The following VPS13A variants were observed in gnomAD, a reference collection of about 807,000 sequenced individuals.
VPS13A encodes the protein vacuolar protein sorting 13 homolog A, also known as intermembrane lipid transfer protein VPS13A.
A neutral mutation model predicts 390.9 loss-of-function variants in VPS13A; 264 were observed. The observed-to-expected ratio is 0.68, with a 90% CI of 0.61 to 0.75. The LOEUF (loss-of-function observed/expected upper bound fraction) is 0.75, where lower values mean the gene tolerates loss of function less well. VPS13A is among the 30% of genes least tolerant of loss of function. The probability of loss-of-function intolerance (pLI) is 0.00; values close to 1 mark genes in which losing one functional copy is unlikely to be tolerated. For missense variants in VPS13A, 3,409 were observed against 3,733.9 expected, an observed-to-expected ratio of 0.91 and a Z score of 2.27; for synonymous variants, 1,231 against 1,227.1, an observed-to-expected ratio of 1.00 and a Z score of -0.07.
At chr9:77,408,593 T>C (rs1474369109) in intron 71 of VPS13A, among the ~76,000 whole-genome samples, 1 of 152,210 alleles carries the variant, frequency 6.6e-6, no homozygotes, top group Non-Finnish European at 1.5e-5. Context: ...ACTCCCACCC[T>C]AATACTGTGC....
chr9:77,224,774 T>C (rs1166870699), intron 13 of VPS13A, among the ~76,000 whole-genome samples: 1 of 152,200 alleles, frequency 6.6e-6, no homozygotes, highest in East Asian at 1.9e-4. Flanking sequence ...TTGAGAGGAT[T>C]GACTTCAATT....
chr9:77,379,297 A>G (rs1457513687), intron 67 of VPS13A, among the ~76,000 whole-genome samples: 31 of 150,206 alleles, frequency 2.1e-4, no homozygotes, highest in Admixed American at 3.3e-4. Flanking sequence ...CTGGAGTGCA[A>G]TGGCGCTATC....
chr9:77,185,420 G>T (rs974985280), intron 1 of VPS13A, among the ~76,000 whole-genome samples: 1 of 152,108 alleles, frequency 6.6e-6, no homozygotes, highest in African/African-American at 2.4e-5. Flanking sequence ...GATTACAGGC[G>T]TGAGCTACTG....
At chr9:77,265,741 C>T (rs1490719002) in intron 23 of VPS13A, among the ~76,000 whole-genome samples, 2 of 152,096 alleles carry the variant, frequency 1.3e-5, no homozygotes, top group Non-Finnish European at 2.9e-5. Context: ...TTCAAAAAAC[C>T]AGCACCTGGA....
At position 77,357,685 on chromosome 9, in the gene VPS13A, T is replaced by C. The variant is rs776862312; in HGVS notation, c.7807-7T>C. 1.9e-6 allele frequency: 3 copies of C among 1,613,466 alleles called. No homozygotes were observed. Among genetic ancestry groups the C allele is most frequent in the Non-Finnish European group, 2.5e-6 (3 of 1,179,738 alleles). ...AATTTTTTCATTTGGGGGGACATAT[T>C]TTTCAGGTTCGCCTAACCCCTACTG... On this transcript the variant is annotated splice_region_variant and splice_polypyrimidine_tract_variant and intron_variant, in intron 55 of 71. Transcript: ENST00000360280.
chr9:77,375,993 T>C (rs1357842967), intron 67 of VPS13A, among the ~76,000 whole-genome samples: 1 of 151,796 alleles, frequency 6.6e-6, no homozygotes, highest in Non-Finnish European at 1.5e-5. Context: ...TTAAAGGAGG[T>C]AAGGAGATGC....
intron 20 of VPS13A, 96 bp downstream of exon 20, chr9:77,247,491 T>A (rs1421543506): frequency 1.5e-6 from 2 of 1,302,818 alleles, no homozygotes; most frequent in African/African-American, 3.0e-5. Context: ...TTTATTGCTT[T>A]TTTTCCTAGA....
intron 15 of VPS13A, among the ~76,000 whole-genome samples, chr9:77,226,956 G>C (rs1383157365): frequency 6.6e-6 from 1 of 151,966 alleles, no homozygotes; most frequent in African/African-American, 2.4e-5. Flanking sequence ...GTATAGCTTT[G>C]GAGGTTTAGA....
chr9:77,401,129 T>C (rs1360283415), intron 68 of VPS13A, among the ~76,000 whole-genome samples: 2 of 152,232 alleles, frequency 1.3e-5, no homozygotes, highest in African/African-American at 4.8e-5. Flanking sequence ...GCATATACTT[T>C]ACCACCACCA....
At chr9:77,323,785 G>C (rs6651536) in intron 45 of VPS13A, among the ~76,000 whole-genome samples, 15,594 of 152,124 alleles carry the variant, frequency 0.1, 832 homozygotes, top group Middle Eastern at 0.13. Context: ...TACATAAGTG[G>C]AATACAGTAC....
At chr9:77,311,850 A>T (rs1829095048) in intron 35 of VPS13A, among the ~76,000 whole-genome samples, 2 of 152,198 alleles carry the variant, frequency 1.3e-5, no homozygotes, top group Admixed American at 1.3e-4. Flanking sequence ...ACCACATTGG[A>T]TTAAATTAGA....
chr9:77,386,445 G>A (rs899259672), intron 68 of VPS13A, among the ~76,000 whole-genome samples: 1 of 151,730 alleles, frequency 6.6e-6, no homozygotes, highest in Non-Finnish European at 1.5e-5. Context: ...TAATTTCATG[G>A]AATGGGATTC....
At chr9:77,386,634 C>T (rs1833694325) in intron 68 of VPS13A, among the ~76,000 whole-genome samples, 1 of 151,028 alleles carries the variant, frequency 6.6e-6, no homozygotes, top group Non-Finnish European at 1.5e-5. Context: ...GTAAACATTG[C>T]TTGTGTGGTC....
rs1011209770 is a variant in VPS13A, at chr9:77,221,382, A to AG, written c.1161+27dup. On this transcript the variant is annotated intron_variant, in intron 13 of 71. Coordinates refer to ENST00000360280, the MANE Select transcript of VPS13A (RefSeq NM_033305.3). ...GTTAGCATTTAAAATGAAATTGTTG[A>AG]GTGTTTTATACTACATAGCTCCTTA... The AG allele has an allele frequency of 3.1e-6, 5 of 1,610,424 alleles. No homozygotes were observed. In the African/African-American group the frequency reaches 6.7e-5, roughly 22 times the overall value.
In VPS13A at chr9:77,225,963, T is replaced by C; in HGVS notation, c.1199T>C (p.Ile400Thr). The change falls in exon 14 of 72, where the codon ATA becomes ACA. Residue 400 changes from isoleucine to threonine, a missense_variant. Ile to Thr is a moderately conservative substitution (Grantham distance 89). Coordinates refer to ENST00000360280, the MANE Select transcript of VPS13A (RefSeq NM_033305.3). ...ACCTTGGATGTCTTTAATATAACTATAGCTAGACAGACGGCAGAAGTTGAG... is the reference window on the plus strand; with the variant it reads ...ACCTTGGATGTCTTTAATATAACTACAGCTAGACAGACGGCAGAAGTTGAG... ...EKTLDVFNIT[I>T]ARQTAEVEVK... 1.9e-6 allele frequency: 3 copies of C among 1,612,456 alleles called. No individual in the cohort carries two copies. The highest frequency in any genetic ancestry group is 2.5e-6 in the Non-Finnish European group (3 of 1,179,228).
chr9:77,200,148 T>C (rs1564624932), intron 2 of VPS13A, among the ~76,000 whole-genome samples, 160 bp downstream of exon 2: 1 of 152,226 alleles, frequency 6.6e-6, no homozygotes. Context: ...TTAATCTCCC[T>C]GAAAGCACAA....
intron 67 of VPS13A, among the ~76,000 whole-genome samples, chr9:77,375,701 A>T (rs1329780266): frequency 6.6e-6 from 1 of 150,486 alleles, no homozygotes; most frequent in Non-Finnish European, 1.5e-5. Flanking sequence ...AATAATTGAT[A>T]GATCAGGAAG....
chr9:77,206,370 G>A (rs1825644143), intron 5 of VPS13A, among the ~76,000 whole-genome samples: 1 of 149,506 alleles, frequency 6.7e-6, no homozygotes, highest in Non-Finnish European at 1.5e-5. Flanking sequence ...TACATACTAG[G>A]TAAGGTCAGT....
intron 68 of VPS13A, among the ~76,000 whole-genome samples, chr9:77,396,549 CATT>C (rs1184399991): frequency 6.6e-6 from 1 of 152,104 alleles, no homozygotes; most frequent in African/African-American, 2.4e-5. Context: ...AATATGAAAT[CATT>C]AAGTTTTGAG....
Sources: gnomAD v4.1 joint callset for allele counts (sites outside exome capture counted in the v4.1 genomes callset) on GRCh38, gnomAD v4.1.1 for gene constraint, MANE v1.5 for transcripts, NCBI Gene and HGNC (gene_info 2026-07-23, HGNC 2026-07-21) for gene names.